ESAM: variants seen among roughly 807,000 people sequenced by gnomAD.
ESAM encodes endothelial cell-selective adhesion molecule.
In ESAM, 23 loss-of-function variants were observed where a neutral mutation model predicts 31.8. That is an observed-to-expected ratio of 0.72 (90% CI 0.52 to 1.03). The LOEUF is 1.03. Ranked by LOEUF, ESAM falls within the 50% of genes least tolerant of loss-of-function variation. ESAM has a pLI of 0.00. For synonymous variants in ESAM, 216 were observed against 207.2 expected (o/e 1.04, Z -0.37); for missense variants, 478 against 488.9 (o/e 0.98, Z 0.21).
chr11:124,756,780 T>A, intron 2 of ESAM, 38 bp from the exon 3 acceptor site: 1 of 1,585,084 alleles, frequency 6.3e-7, no homozygotes, highest in South Asian at 1.1e-5. Flanking sequence ...CATTACTACA[T>A]GTGTCTACTG....
chr11:124,756,233 A>C lies in ESAM; in HGVS notation c.581T>G (p.Phe194Cys), dbSNP rs1160907127. Residue 194 changes from phenylalanine to cysteine, a missense_variant, in exon 4 of 7, where the codon TTC becomes TGC. Physicochemically the swap from Phe to Cys is radical, Grantham distance 205. Coordinates refer to ENST00000278927, the MANE Select transcript of ESAM (RefSeq NM_138961.3). ...QYQWDRQLPS[F>C]QTFFAPALDV... Reference sequence around the variant, plus strand: ...TAATGCTGGTGCAAAGAAAGTCTGGAAGGATGGAAGCTGCCGATCCCACTG... The same window carrying C: ...TAATGCTGGTGCAAAGAAAGTCTGGCAGGATGGAAGCTGCCGATCCCACTG... The C allele has an allele frequency of 6.2e-7, 1 of 1,613,922 alleles. No individual in the cohort carries two copies. Among genetic ancestry groups the C allele is most frequent in the Non-Finnish European group, 8.5e-7 (1 of 1,180,042 alleles).
chr11:124,753,917 G>C lies in ESAM; in HGVS notation c.902C>G (p.Ser301Ter). 1.2e-6 allele frequency: 2 copies of C among 1,614,014 alleles called. No homozygotes were observed. The highest frequency in any genetic ancestry group is 1.7e-6 in the Non-Finnish European group (2 of 1,180,012). Residue 301 changes from serine (S) to a stop codon, truncating the protein, a stop_gained, in exon 7 of 7, where the codon TCA becomes TGA. Coordinates refer to ENST00000278927, the MANE Select transcript of ESAM (RefSeq NM_138961.3). LOFTEE classifies it high-confidence loss of function. ...APRTLPWPKSSDTISKNGTLS... is the reference protein window; with the variant it reads ...APRTLPWPKS ...GGTCCCATTCTTGGAGATTGTGTCT[G>C]AGCTCTTGGGCCAGGGCAGGGTCCG...
At chr11:124,756,157 C>T (rs200585785) in intron 4 of ESAM, 50 bp downstream of exon 4, 1 of 1,610,680 alleles carries the variant, frequency 6.2e-7, no homozygotes, top group Admixed American at 1.7e-5. Flanking sequence ...TACCTCTCAT[C>T]TTTCCCCTTC....
rs1215759011 is a variant in ESAM, at chr11:124,754,296, C to A, written c.775G>T (p.Val259Phe). 1.9e-6 allele frequency: 3 copies of A among 1,614,124 alleles called. No homozygotes were observed. The highest frequency in any genetic ancestry group is 2.5e-6 in the Non-Finnish European group (3 of 1,180,014). Residue 259 changes from valine (V) to phenylalanine (F), a missense_variant, in exon 6 of 7, where the codon GTT becomes TTT. Transcript: ENST00000278927. This position sits in a 1 kb window ranked among gnomAD's most constrained non-coding sequence, Gnocchi z 4.5. ...AGCCCAGCCAGCAACCCCAGTCCAA[C>A]CAGGGTACCCACAACAGCTCCAGCA... The part of the protein sequence containing the change: ...VVAGAVVGTL[V>F]GLGLLAGLVL...
Position 124,756,750 on chromosome 11 carries a change from G to A in ESAM, c.250-8C>T. On this transcript the variant is annotated splice_region_variant and splice_polypyrimidine_tract_variant and intron_variant, in intron 2 of 6. Coordinates refer to ENST00000278927, the MANE Select transcript of ESAM (RefSeq NM_138961.3). The stretch of plus-strand genomic sequence containing the variant: ...ATTGATGTAGGACAACACCTGGTGT[G>A]GGGCATAACACATCCCCGTCATTAC... 6.2e-7 allele frequency: 1 copy of A among 1,613,908 alleles called. No individual in the cohort carries two copies. The highest frequency in any genetic ancestry group is 8.5e-7 in the Non-Finnish European group (1 of 1,179,930).
intron 3 of ESAM, 63 bp from the exon 4 acceptor site, chr11:124,756,425 C>A: frequency 6.3e-7 from 1 of 1,578,522 alleles, no homozygotes. Flanking sequence ...TCCCTCTGCC[C>A]TGCACCCTTC....
Position 124,753,513 on chromosome 11 carries a change from G to C in ESAM, c.*133C>G. 2 of 942,470 alleles carry C rather than the reference G, an allele frequency of 2.1e-6. No homozygotes were observed. Among genetic ancestry groups the C allele is most frequent in the Non-Finnish European group, 3.1e-6 (2 of 639,982 alleles). 58.4% of individuals were successfully genotyped at this position (942,470 alleles called of 1,614,324 possible). On this transcript the variant is annotated 3_prime_UTR_variant, in exon 7 of 7. Coordinates refer to ENST00000278927, the MANE Select transcript of ESAM (RefSeq NM_138961.3). ...GTCTTACTGAGATGGTTTTCCCACA[G>C]TAAAGAGAGGTGGGGGCAGAGTACT... is the stretch of plus-strand genomic sequence containing the variant.
rs181301782 is a variant in ESAM at position 124,761,869 on chromosome 11, C to T, written c.70+216G>A. On this transcript the variant is annotated intron_variant, in intron 1 of 6. Coordinates refer to ENST00000278927, the MANE Select transcript of ESAM (RefSeq NM_138961.3). Reference sequence around the variant, plus strand: ...GGTCTTCCGAGAGATGCCCTTACCTCCCCCCGCCATCCGCCCCCACACCCA... The same window carrying T: ...GGTCTTCCGAGAGATGCCCTTACCTTCCCCCGCCATCCGCCCCCACACCCA... 4.3e-3 allele frequency among the ~76,000 whole-genome samples: 658 copies of T among 152,142 alleles called. 13 individuals carry two copies. The highest frequency in any genetic ancestry group is 0.03 in the Admixed American group (463 of 15,280).
In ESAM at chr11:124,754,707, A is replaced by G; in HGVS notation, c.664T>C (p.Tyr222His). The change falls in exon 5 of 7, where the codon TAT (tyrosine) becomes CAT (histidine). Residue 222 changes from tyrosine (Y) to histidine (H), a missense_variant. Transcript: ENST00000278927. The surrounding 1 kb of genome is among the most constrained non-coding windows in gnomAD (Gnocchi z 4.5). ...TNLSSSMAGV[Y>H]VCKAHNEVGT... is the part of the protein sequence containing the mutation. Reference sequence around the variant, plus strand: ...ACCTCATTGTGGGCCTTGCAGACATAGACTCCAGCCATGGAAGACGAAAGG... The same window carrying G: ...ACCTCATTGTGGGCCTTGCAGACATGGACTCCAGCCATGGAAGACGAAAGG... 1 of 1,614,148 alleles carries G rather than the reference A, an allele frequency of 6.2e-7. No individual in the cohort carries two copies. The highest frequency in any genetic ancestry group is 1.1e-5 in the South Asian group (1 of 91,082).
rs1944224954 is a variant in ESAM at position 124,761,217 on chromosome 11, C to A, written c.70+868G>T. Among the ~76,000 whole-genome samples the A allele has an allele frequency of 2.0e-5, 3 of 152,254 alleles. No individual in the cohort carries two copies. In the South Asian group the frequency reaches 6.2e-4, roughly 32 times the overall value. On this transcript the variant is annotated intron_variant, in intron 1 of 6. Coordinates refer to ENST00000278927, the MANE Select transcript of ESAM (RefSeq NM_138961.3). Reference sequence around the variant, plus strand: ...ATTCGAGATCCTTGAAGGGAGATGGCAAGAAAGCTGAGGGACAGCAAGTGA... The same window carrying A: ...ATTCGAGATCCTTGAAGGGAGATGGAAAGAAAGCTGAGGGACAGCAAGTGA...
In ESAM at chr11:124,762,166, G is replaced by C; in HGVS notation, c.-12C>G. The C allele has an allele frequency of 1.2e-6, 2 of 1,602,736 alleles. No individual in the cohort carries two copies. The highest frequency in any genetic ancestry group is 1.7e-6 in the Non-Finnish European group (2 of 1,174,602). ...GGGAGGGAAATCATGGCCCTCCCTG[G>C]CCGGGACGGAGTCAGGGGCGCCAGC... is the stretch of plus-strand genomic sequence containing the variant. On this transcript the variant is annotated 5_prime_UTR_variant, in exon 1 of 7. Coordinates refer to ENST00000278927, the MANE Select transcript of ESAM (RefSeq NM_138961.3). This position sits in a 1 kb window ranked among gnomAD's most constrained non-coding sequence, Gnocchi z 6.4.
intron 1 of ESAM, among the ~76,000 whole-genome samples, chr11:124,760,398 G>A (rs910748495): frequency 2.6e-5 from 4 of 152,266 alleles, no homozygotes; most frequent in African/African-American, 9.6e-5. Context: ...GAGGGAGCCG[G>A]CAGGGGCCGA....
At chr11:124,761,891 C>A (rs554576415) in intron 1 of ESAM, among the ~76,000 whole-genome samples, 194 bp downstream of exon 1, 12 of 152,288 alleles carry the variant, frequency 7.9e-5, no homozygotes, top group African/African-American at 2.9e-4. Flanking sequence ...CGCCCCCACA[C>A]CCAAACTGGG....
intron 1 of ESAM, among the ~76,000 whole-genome samples, chr11:124,761,180 C>T (rs1212397864): frequency 6.6e-6 from 1 of 152,170 alleles, no homozygotes; most frequent in Non-Finnish European, 1.5e-5. Flanking sequence ...GCTAAACCCA[C>T]CCTTCACTCC....
chr11:124,754,767 T>G lies in ESAM; in HGVS notation c.608-4A>C. The G allele has an allele frequency of 1.9e-6, 3 of 1,609,140 alleles. No individual in the cohort carries two copies. The highest frequency in any genetic ancestry group is 2.5e-6 in the Non-Finnish European group (3 of 1,178,402). ...CTTAAAGACCCACGGATGACATCTG[T>G]GGACACAATTTAGCCATCAGTCCAG... is the stretch of plus-strand genomic sequence containing the variant. On this transcript the variant is annotated splice_polypyrimidine_tract_variant and splice_region_variant and intron_variant, in intron 4 of 6. Coordinates refer to ENST00000278927, the MANE Select transcript of ESAM (RefSeq NM_138961.3). This position sits in a 1 kb window ranked among gnomAD's most constrained non-coding sequence, Gnocchi z 4.5.
At position 124,756,565 on chromosome 11, in the gene ESAM, T is replaced by C; in HGVS notation, c.427A>G (p.Lys143Glu). The C allele has an allele frequency of 2.5e-6, 4 of 1,614,114 alleles. No homozygotes were observed. Among genetic ancestry groups the C allele is most frequent in the South Asian group, 2.2e-5 (2 of 91,088 alleles). ...CCCAGTACATTGAGTTCTAAGGTTTTGATGCTGTGGCCCCTAGATTTGCCT... is the reference window on the plus strand; with the variant it reads ...CCCAGTACATTGAGTTCTAAGGTTTCGATGCTGTGGCCCCTAGATTTGCCT... Reference protein sequence around the residue: ...KQGKSRGHSIKTLELNVLVPP... With the variant: ...KQGKSRGHSIETLELNVLVPP... Residue 143 changes from lysine to glutamate, a missense_variant, in exon 3 of 7, where the codon AAA (lysine) becomes GAA (glutamate). Lys to Glu is a moderately conservative substitution (Grantham distance 56, BLOSUM62 1). Transcript: ENST00000278927.
At position 124,762,256 on chromosome 11, in the gene ESAM, G is replaced by A. The variant is rs1190010424; in HGVS notation, c.-102C>T. 3 of 914,168 alleles carry A rather than the reference G, an allele frequency of 3.3e-6. No individual in the cohort carries two copies. Among genetic ancestry groups the A allele is most frequent in the Non-Finnish European group, 4.8e-6 (3 of 628,648 alleles). The allele number at this position is 914,168 out of a possible 1,614,324, so 56.6% of individuals were successfully genotyped here. A position where few individuals can be genotyped will look rare whatever the true frequency, so the allele number is the denominator to read the frequency against. Reference sequence around the variant, plus strand: ...CGGCCGGAGCGTGCGCGGGAGCCGAGCCGCTGACACCCAGGGCGGCTCCAG... The same window carrying A: ...CGGCCGGAGCGTGCGCGGGAGCCGAACCGCTGACACCCAGGGCGGCTCCAG... On this transcript the variant is annotated 5_prime_UTR_variant, in exon 1 of 7. Coordinates refer to ENST00000278927, the MANE Select transcript of ESAM (RefSeq NM_138961.3). This position sits in a 1 kb window ranked among gnomAD's most constrained non-coding sequence, Gnocchi z 6.4.
intron 4 of ESAM, 104 bp downstream of exon 4, chr11:124,756,103 G>A: frequency 6.7e-7 from 1 of 1,492,400 alleles, no homozygotes; most frequent in Non-Finnish European, 9.1e-7. Flanking sequence ...CTCCTCCCCA[G>A]TGCTTGTCAG....
At position 124,754,824 on chromosome 11, in the gene ESAM, A is replaced by T. The variant is rs75688467; in HGVS notation, c.608-61T>A. 1.4e-6 allele frequency: 2 copies of T among 1,458,960 alleles called. No homozygotes were observed. The highest frequency in any genetic ancestry group is 2.3e-5 in the Admixed American group (1 of 43,936). 90.4% of individuals were successfully genotyped at this position (1,458,960 alleles called of 1,614,324 possible). Reference sequence around the variant, plus strand: ...TCTTTCCCATTAAAAAAAAAAAAAAATCTTGTCCCTCCTCTGGAATGTCCC... The same window carrying T: ...TCTTTCCCATTAAAAAAAAAAAAAATTCTTGTCCCTCCTCTGGAATGTCCC... On this transcript the variant is annotated intron_variant, in intron 4 of 6. Transcript: ENST00000278927. This position sits in a 1 kb window ranked among gnomAD's most constrained non-coding sequence, Gnocchi z 4.5.
Sources: gnomAD v4.1 joint callset for allele counts (sites outside exome capture counted in the v4.1 genomes callset) on GRCh38, gnomAD v4.1.1 for gene constraint, Gnocchi (gnomAD v3.1) non-coding constraint, MANE v1.5 for transcripts, NCBI Gene and HGNC (gene_info 2026-07-23, HGNC 2026-07-21) for gene names.